Variants in ADGRL3 observed in about 807,000 individuals in gnomAD.
ADGRL3 encodes calcium-independent alpha-latrotoxin receptor 3.
ADGRL3 carries 62 observed loss-of-function variants against 153.5 expected under a neutral mutation model. The ratio of observed to expected loss-of-function variants is 0.40; its 90% confidence interval spans 0.33 to 0.50. The LOEUF (loss-of-function observed/expected upper bound fraction) is 0.50. ADGRL3 is among the 20% of genes least tolerant of loss of function. The probability of loss-of-function intolerance (pLI) is 0.47; values close to 1 mark genes in which losing one functional copy is unlikely to be tolerated. For missense variants in ADGRL3, 1,641 were observed against 1,859.4 expected (o/e 0.88, Z 2.16); for synonymous variants, 710 against 672.5 (o/e 1.06, Z -0.86).
intron 4 of ADGRL3, among the ~76,000 whole-genome samples, chr4:61,540,500 A>G (rs2098683355): frequency 6.6e-6 from 1 of 151,918 alleles, no homozygotes; most frequent in South Asian, 2.1e-4. Context: ...GTGAGCCAAG[A>G]TTTTGCCACC....
Position 62,077,442 on chromosome 4 carries a change from A to G in ADGRL3, c.*6534A>G, listed in dbSNP as rs964871037. The G allele has an allele frequency of 1.3e-5, 2 of 152,038 alleles. No individual in the cohort carries two copies. Among genetic ancestry groups the G allele is most frequent in the African/African-American group, 4.8e-5 (2 of 41,444 alleles). 9.4% of individuals were successfully genotyped at this position (152,038 alleles called of 1,614,324 possible). On this transcript the variant is annotated 3_prime_UTR_variant, in exon 27 of 27. Coordinates refer to ENST00000683033, the MANE Select transcript of ADGRL3 (RefSeq NM_001387552.1). Reference sequence around the variant, plus strand: ...GAACTAAAATAGCTTTTTAAAATTTAAAAATTCCTCTGTTTCTTCTGAATG... The same window carrying G: ...GAACTAAAATAGCTTTTTAAAATTTGAAAATTCCTCTGTTTCTTCTGAATG...
intron 6 of ADGRL3, among the ~76,000 whole-genome samples, chr4:61,708,619 GC>G (rs1283002318): frequency 4.6e-5 from 7 of 151,756 alleles, no homozygotes; most frequent in Non-Finnish European, 8.8e-5. Flanking sequence ...GTAAATGTGT[GC>G]TATGGGTTTA....
At chr4:62,035,791 G>T (rs1165596570) in intron 23 of ADGRL3, among the ~76,000 whole-genome samples, 4 of 151,998 alleles carry the variant, frequency 2.6e-5, no homozygotes, top group African/African-American at 9.7e-5. Flanking sequence ...ATGAAATTTA[G>T]ATTTTTCTCC....
intron 9 of ADGRL3, among the ~76,000 whole-genome samples, chr4:61,817,290 T>C (rs918324539): frequency 6.0e-4 from 91 of 152,288 alleles, no homozygotes; most frequent in African/African-American, 2.1e-3. Context: ...GCCTGAAGCC[T>C]GTGGGTTGGG....
At chr4:61,281,718 C>T (rs2093730868) in intron 1 of ADGRL3, among the ~76,000 whole-genome samples, 1 of 152,058 alleles carries the variant, frequency 6.6e-6, no homozygotes. Context: ...GTTAGCTGGC[C>T]TTGACTGAGC....
chr4:61,725,260 T>C (rs2096308457), intron 6 of ADGRL3, among the ~76,000 whole-genome samples: 1 of 152,098 alleles, frequency 6.6e-6, no homozygotes, highest in South Asian at 2.1e-4. Context: ...AGAGCCATGG[T>C]ATTTGTGCCT....
intron 17 of ADGRL3, among the ~76,000 whole-genome samples, chr4:61,973,031 G>A (rs1280906963): frequency 1.3e-5 from 2 of 151,460 alleles, no homozygotes; most frequent in Non-Finnish European, 2.9e-5. Context: ...CTATCCAGAA[G>A]CATTCACAAT....
rs1235423698 is a variant in ADGRL3, at chr4:61,346,272, C to G, written c.-239-36852C>G. Among the ~76,000 whole-genome samples, 3 of 150,034 alleles carry G rather than the reference C, an allele frequency of 2.0e-5. No individual in the cohort carries two copies. The East Asian group carries it at 5.9e-4, about 29-fold the overall frequency. ...TCTCTCTCTCTCTCTTTCTCTCCCC[C>G]CACGCTCTCTCTCTCTGTCTCTCTC... On this transcript the variant is annotated intron_variant, in intron 1 of 26. Coordinates refer to ENST00000683033, the MANE Select transcript of ADGRL3 (RefSeq NM_001387552.1).
At position 61,927,603 on chromosome 4, in the gene ADGRL3, G is replaced by A. The variant is rs577311066; in HGVS notation, c.2113-7237G>A. Among the ~76,000 whole-genome samples the A allele has an allele frequency of 3.3e-5, 5 of 152,116 alleles. No homozygotes were observed. In the South Asian group the frequency reaches 1.0e-3, roughly 32 times the overall value. On this transcript the variant is annotated intron_variant, in intron 13 of 26. Coordinates refer to ENST00000683033, the MANE Select transcript of ADGRL3 (RefSeq NM_001387552.1). ...GACAGTGGTTATAAAAAGTACCTTAGGTTTATTGATCAGATGTATAAATAT... is the reference window on the plus strand; with the variant it reads ...GACAGTGGTTATAAAAAGTACCTTAAGTTTATTGATCAGATGTATAAATAT...
At chr4:61,537,452 A>G (rs1448197625) in intron 4 of ADGRL3, among the ~76,000 whole-genome samples, 1 of 151,968 alleles carries the variant, frequency 6.6e-6, no homozygotes, top group African/African-American at 2.4e-5. Flanking sequence ...TTCTTCAATT[A>G]TTTCCTCAAA....
Position 61,439,566 on chromosome 4 carries a change from C to T in ADGRL3, c.-174+56377C>T, listed in dbSNP as rs569665060. ...GGTTTCTGCACCCATCAACCCGTCA[C>T]CTATATTAGGTATTTCTCCTAATGT... On this transcript the variant is annotated intron_variant, in intron 2 of 26. Coordinates refer to ENST00000683033, the MANE Select transcript of ADGRL3 (RefSeq NM_001387552.1). 1.2e-4 allele frequency among the ~76,000 whole-genome samples: 19 copies of T among 152,268 alleles called. No homozygotes were observed. In the East Asian group the frequency reaches 3.7e-3, roughly 29 times the overall value.
rs1025450910 is a variant in ADGRL3, at chr4:62,072,481, T to G, written c.*1573T>G. On this transcript the variant is annotated 3_prime_UTR_variant, in exon 27 of 27. Transcript: ENST00000683033. The stretch of plus-strand genomic sequence containing the variant: ...GTATGTACTATATGATTAATCAGTC[T>G]TTTTATTTTTCTCGCCTTTCTTTCT... 4 of 152,606 alleles carry G rather than the reference T, an allele frequency of 2.6e-5. 1 individual carries two copies. The highest frequency in any genetic ancestry group is 4.1e-4 in the South Asian group (2 of 4,830). The allele number at this position is 152,606 out of a possible 1,614,324, so 9.5% of individuals were successfully genotyped here.
At chr4:61,570,282 C>A (rs1037541114) in intron 4 of ADGRL3, among the ~76,000 whole-genome samples, 1 of 152,092 alleles carries the variant, frequency 6.6e-6, no homozygotes. Flanking sequence ...AGCATCCTGT[C>A]CCTTGTGTCC....
chr4:61,352,800 C>T (rs1578394037), intron 1 of ADGRL3, among the ~76,000 whole-genome samples: 2 of 152,272 alleles, frequency 1.3e-5, no homozygotes, highest in East Asian at 1.9e-4. Flanking sequence ...CCAAGGCCTG[C>T]CCATACTACT....
intron 7 of ADGRL3, among the ~76,000 whole-genome samples, chr4:61,731,408 G>A (rs191527421): frequency 2.6e-5 from 4 of 152,014 alleles, no homozygotes; most frequent in South Asian, 2.1e-4. Flanking sequence ...CATTAAAAAA[G>A]GGTCAATATC....
chr4:61,539,271 C>T (rs2098676008), intron 4 of ADGRL3, among the ~76,000 whole-genome samples: 2 of 152,206 alleles, frequency 1.3e-5, no homozygotes, highest in African/African-American at 4.8e-5. Flanking sequence ...GGCACTGATG[C>T]CAGCCCCCAG....
At chr4:61,259,663 C>G (rs1291973092) in intron 1 of ADGRL3, among the ~76,000 whole-genome samples, 1 of 152,090 alleles carries the variant, frequency 6.6e-6, no homozygotes, top group East Asian at 1.9e-4. Flanking sequence ...AGGAAATGTC[C>G]TCCTCACCAA....
intron 1 of ADGRL3, among the ~76,000 whole-genome samples, chr4:61,241,860 T>C (rs1755108214): frequency 6.6e-6 from 1 of 152,122 alleles, no homozygotes; most frequent in Admixed American, 6.6e-5. Flanking sequence ...ACATACTAAA[T>C]TTGCTATGGC....
At chr4:61,981,519 A>G (rs1215462604) in intron 18 of ADGRL3, among the ~76,000 whole-genome samples, 2 of 152,110 alleles carry the variant, frequency 1.3e-5, no homozygotes, top group African/African-American at 4.8e-5. Context: ...GGAAAGGAGG[A>G]AGAAAAAAAG....
Sources: gnomAD v4.1 joint callset for allele counts (sites outside exome capture counted in the v4.1 genomes callset) on GRCh38, gnomAD v4.1.1 for gene constraint, MANE v1.5 for transcripts, NCBI Gene and HGNC (gene_info 2026-07-23, HGNC 2026-07-21) for gene names.